Variants in LOC128462377 observed in about 807,000 individuals in gnomAD.
the LOC128462377 span, among the ~76,000 whole-genome samples, chr16:89,362,694 T>G: frequency 2.0e-5 from 3 of 152,260 alleles, no homozygotes; most frequent in African/African-American, 7.2e-5. Context: ...CAATGTACTT[T>G]ATGTTCTTAG....
At chr16:89,405,327 T>C in the LOC128462377 span, among the ~76,000 whole-genome samples, 1 of 152,144 alleles carries the variant, frequency 6.6e-6, no homozygotes, top group Non-Finnish European at 1.5e-5. Context: ...TCTAGTCACA[T>C]AGGTAACTGT....
At chr16:89,344,771 G>A in the LOC128462377 span, among the ~76,000 whole-genome samples, 1 of 152,116 alleles carries the variant, frequency 6.6e-6, no homozygotes, top group Non-Finnish European at 1.5e-5. Flanking sequence ...ACAGCGGAGG[G>A]CCAGACGTGA....
At chr16:89,323,769 C>G in the LOC128462377 span, 5 of 255,198 alleles carry the variant, frequency 2.0e-5, no homozygotes, top group Admixed American at 2.6e-4. Context: ...TCCTCAGGGC[C>G]GCACCAGCTC....
chr16:89,411,629 G>A, the LOC128462377 span, among the ~76,000 whole-genome samples: 3 of 152,058 alleles, frequency 2.0e-5, no homozygotes, highest in African/African-American at 7.3e-5. Context: ...GCCCAGGCTG[G>A]TCTCGAACTC....
chr16:89,406,445 C>T, the LOC128462377 span, among the ~76,000 whole-genome samples: 1 of 152,212 alleles, frequency 6.6e-6, no homozygotes, highest in Non-Finnish European at 1.5e-5. Flanking sequence ...GCAGCAGCTG[C>T]TGAGAAGGCC....
the LOC128462377 span, among the ~76,000 whole-genome samples, chr16:89,384,044 A>G: frequency 6.6e-6 from 1 of 152,104 alleles, no homozygotes; most frequent in Non-Finnish European, 1.5e-5. Context: ...ACATGGCAAA[A>G]CCCTGTCTCT....
the LOC128462377 span, among the ~76,000 whole-genome samples, chr16:89,396,788 G>A: frequency 6.6e-6 from 1 of 152,274 alleles, no homozygotes; most frequent in Admixed American, 6.5e-5. Context: ...CCAGGTTCAC[G>A]CCGTTCTCCT....
the LOC128462377 span, among the ~76,000 whole-genome samples, chr16:89,329,350 G>A: frequency 6.6e-6 from 1 of 152,136 alleles, no homozygotes; most frequent in Admixed American, 6.5e-5. Flanking sequence ...AAGGGATGCT[G>A]CTATTTTTGC....
the LOC128462377 span, chr16:89,317,058 C>A: frequency 1.3e-6 from 2 of 1,593,040 alleles, no homozygotes; most frequent in Admixed American, 1.7e-5. Context: ...ACACGGCCGG[C>A]GCTTCATCAT....
At chr16:89,415,142 T>C in the LOC128462377 span, among the ~76,000 whole-genome samples, 1 of 151,694 alleles carries the variant, frequency 6.6e-6, no homozygotes, top group African/African-American at 2.4e-5. Flanking sequence ...TTTGTAGAGA[T>C]GCGGTCTCGT....
chr16:89,336,266 G>C, the LOC128462377 span, among the ~76,000 whole-genome samples: 1 of 152,220 alleles, frequency 6.6e-6, no homozygotes, highest in Non-Finnish European at 1.5e-5. Context: ...CTGGTGCCTG[G>C]CTGGGAGCAG....
chr16:89,331,944 T>C, the LOC128462377 span, among the ~76,000 whole-genome samples: 2 of 152,136 alleles, frequency 1.3e-5, no homozygotes, highest in Non-Finnish European at 2.9e-5. Context: ...ATCACCACTG[T>C]GTTCACCACA....
the LOC128462377 span, among the ~76,000 whole-genome samples, chr16:89,333,564 T>C: frequency 6.6e-6 from 1 of 152,230 alleles, no homozygotes; most frequent in African/African-American, 2.4e-5. Flanking sequence ...CTGATCTTTG[T>C]GCTGTCTGCA....
chr16:89,343,507 G>A, the LOC128462377 span, among the ~76,000 whole-genome samples: 2 of 152,160 alleles, frequency 1.3e-5, no homozygotes, highest in Admixed American at 6.5e-5. Context: ...GTGAGTGAGC[G>A]AGCAAATGAG....
At chr16:89,394,554 G>A in the LOC128462377 span, among the ~76,000 whole-genome samples, 3 of 152,012 alleles carry the variant, frequency 2.0e-5, no homozygotes, top group South Asian at 6.2e-4. Context: ...CTTGAACCCA[G>A]GAGGCGGAGG....
chr16:89,400,972 G>A, the LOC128462377 span, among the ~76,000 whole-genome samples: 11 of 152,288 alleles, frequency 7.2e-5, no homozygotes, highest in East Asian at 1.9e-3. Context: ...CTGCCCCGGG[G>A]CTGCCTGGCA....
the LOC128462377 span, among the ~76,000 whole-genome samples, chr16:89,330,336 C>T: frequency 6.6e-6 from 1 of 152,054 alleles, no homozygotes; most frequent in Non-Finnish European, 1.5e-5. Context: ...GGAGACCTGG[C>T]TCAGGATGTG....
At chr16:89,325,552 G>T in the LOC128462377 span, among the ~76,000 whole-genome samples, 1 of 151,954 alleles carries the variant, frequency 6.6e-6, no homozygotes, top group South Asian at 2.1e-4. Flanking sequence ...TCTGAAAATA[G>T]CAACTACAGT....
At chr16:89,339,425 A>G in the LOC128462377 span, among the ~76,000 whole-genome samples, 1 of 152,202 alleles carries the variant, frequency 6.6e-6, no homozygotes, top group Non-Finnish European at 1.5e-5. Context: ...AGCATCACAC[A>G]GGTCAGATCT....
Sources: gnomAD v4.1 joint callset for allele counts (sites outside exome capture counted in the v4.1 genomes callset) on GRCh38, gnomAD v4.1.1 for gene constraint, MANE v1.5 for transcripts.